Variants in SYNPR observed in about 807,000 individuals in gnomAD.
SYNPR encodes the protein synaptoporin.
SYNPR carries 23 observed loss-of-function variants against 32.9 expected under a neutral mutation model. The observed-to-expected ratio is 0.70, with a 90% CI of 0.50 to 0.99. SYNPR has a LOEUF of 0.99. Among genes scored for constraint, SYNPR ranks in the 50% least tolerant of loss-of-function variants. The pLI, the probability that SYNPR is intolerant of heterozygous loss-of-function variation, is 0.00. For synonymous variants in SYNPR, 146 were observed against 135.9 expected (o/e 1.07, Z -0.52); for missense variants, 318 against 349.3 (o/e 0.91, Z 0.71).
chr3:63,342,331 T>C (rs1253446919), intron 2 of SYNPR, among the ~76,000 whole-genome samples: 1 of 152,230 alleles, frequency 6.6e-6, no homozygotes, highest in Non-Finnish European at 1.5e-5. Flanking sequence ...ACTGTAATCA[T>C]TACTGGATTT....
chr3:63,422,350 A>T (rs62251429), intron 2 of SYNPR, among the ~76,000 whole-genome samples: 19,613 of 152,086 alleles, frequency 0.13, 1,366 homozygotes, highest in Middle Eastern at 0.17. Context: ...TTGTTCCATC[A>T]TGTAGACACA....
intron 2 of SYNPR, among the ~76,000 whole-genome samples, chr3:63,467,849 A>ATT (rs992223341): frequency 1.3e-5 from 2 of 152,156 alleles, no homozygotes; most frequent in African/African-American, 4.8e-5. Flanking sequence ...GAGAGAGATG[A>ATT]TTTGATGACC....
intron 4 of SYNPR, among the ~76,000 whole-genome samples, chr3:63,560,110 G>T (rs887323624): frequency 6.6e-6 from 1 of 152,184 alleles, no homozygotes; most frequent in Non-Finnish European, 1.5e-5. Context: ...ACAATGGTAG[G>T]TTTTGTTTCA....
intron 3 of SYNPR, among the ~76,000 whole-genome samples, chr3:63,519,257 A>G (rs1701860629): frequency 6.6e-6 from 1 of 152,166 alleles, no homozygotes; most frequent in Admixed American, 6.5e-5. Flanking sequence ...AAGCTCTGAA[A>G]TCAGATCCTC....
At chr3:63,306,624 CA>C (rs2086913452) in intron 2 of SYNPR, among the ~76,000 whole-genome samples, 1 of 151,830 alleles carries the variant, frequency 6.6e-6, no homozygotes, top group South Asian at 2.1e-4. Flanking sequence ...TCAAAGTTAG[CA>C]GAGAACTCAA....
At chr3:63,496,978 T>G (rs1701386241) in intron 3 of SYNPR, among the ~76,000 whole-genome samples, 1 of 152,112 alleles carries the variant, frequency 6.6e-6, no homozygotes, top group Non-Finnish European at 1.5e-5. Flanking sequence ...AAGAATAGCT[T>G]GATATTGATC....
At chr3:63,456,028 A>T (rs886606251) in intron 2 of SYNPR, among the ~76,000 whole-genome samples, 3 of 152,102 alleles carry the variant, frequency 2.0e-5, no homozygotes, top group Non-Finnish European at 4.4e-5. Context: ...AGGGGTAGCA[A>T]GTCACATCTT....
intron 3 of SYNPR, among the ~76,000 whole-genome samples, chr3:63,510,539 T>C (rs1263923893): frequency 2.0e-5 from 3 of 151,848 alleles, no homozygotes; most frequent in African/African-American, 7.3e-5. Flanking sequence ...AAAGAGAGGG[T>C]TCCTAAATCA....
intron 4 of SYNPR, 129 bp from the exon 5 acceptor site, chr3:63,608,995 TC>T (rs1267332516): frequency 3.1e-6 from 2 of 648,844 alleles, no homozygotes; most frequent in African/African-American, 3.8e-5. Flanking sequence ...CTAAATGTTT[TC>T]CTTGTTTCCA....
intron 1 of SYNPR, among the ~76,000 whole-genome samples, chr3:63,240,933 T>A (rs982945270): frequency 1.3e-5 from 2 of 152,024 alleles, no homozygotes; most frequent in Non-Finnish European, 2.9e-5. Context: ...ACCACACCCA[T>A]GCATGCATCT....
intron 2 of SYNPR, among the ~76,000 whole-genome samples, chr3:63,265,204 A>G (rs2086474347): frequency 6.7e-6 from 1 of 148,526 alleles, no homozygotes; most frequent in African/African-American, 2.5e-5. Context: ...GTTTTTAAGT[A>G]TACAGTATTA....
intron 1 of SYNPR, among the ~76,000 whole-genome samples, chr3:63,234,805 T>C (rs904484394): frequency 6.6e-6 from 1 of 152,216 alleles, no homozygotes; most frequent in Non-Finnish European, 1.5e-5. Flanking sequence ...GATGCTGTTT[T>C]GTATTTGTTA....
At chr3:63,262,306 A>G (rs1421833961) in intron 2 of SYNPR, among the ~76,000 whole-genome samples, 1 of 152,202 alleles carries the variant, frequency 6.6e-6, no homozygotes, top group Admixed American at 6.5e-5. Context: ...ACAGCTTGCC[A>G]GAAAGCACAG....
chr3:63,271,116 C>T (rs2106909322), intron 3 of SYNPR, among the ~76,000 whole-genome samples: 1 of 151,716 alleles, frequency 6.6e-6, no homozygotes, highest in East Asian at 1.9e-4. Flanking sequence ...GGCGAAGAAC[C>T]TATGTAATTG....
At chr3:63,403,698 C>A (rs1050891005) in intron 2 of SYNPR, among the ~76,000 whole-genome samples, 1 of 152,076 alleles carries the variant, frequency 6.6e-6, no homozygotes, top group Admixed American at 6.6e-5. Context: ...TGAAAGAAGA[C>A]AGAGGTGTAG....
intron 2 of SYNPR, among the ~76,000 whole-genome samples, chr3:63,290,882 C>T (rs562235887): frequency 6.6e-6 from 1 of 152,282 alleles, no homozygotes; most frequent in South Asian, 2.1e-4. Flanking sequence ...TTCTGGCTGG[C>T]CTTTTATGCA....
intron 2 of SYNPR, among the ~76,000 whole-genome samples, chr3:63,404,767 A>G (rs1423883084): frequency 1.3e-5 from 2 of 152,060 alleles, no homozygotes; most frequent in Non-Finnish European, 2.9e-5. Flanking sequence ...TTTTGAAAGT[A>G]CTCTCCTTTT....
At chr3:63,505,682 CA>C (rs1701573754) in intron 3 of SYNPR, among the ~76,000 whole-genome samples, 1 of 152,148 alleles carries the variant, frequency 6.6e-6, no homozygotes, top group South Asian at 2.1e-4. Flanking sequence ...GCTTACATTG[CA>C]ATGTGTTTAT....
At chr3:63,412,490 T>C (rs1560222656) in intron 2 of SYNPR, among the ~76,000 whole-genome samples, 1 of 152,086 alleles carries the variant, frequency 6.6e-6, no homozygotes, top group Non-Finnish European at 1.5e-5. Flanking sequence ...GACATGGACA[T>C]AGAGGAGTTT....
Sources: allele counts gnomAD v4.1 joint callset (sites outside exome capture counted in the v4.1 genomes callset), GRCh38; gene constraint gnomAD v4.1.1; transcripts MANE v1.5; gene names NCBI Gene and HGNC (gene_info 2026-07-23, HGNC 2026-07-21).